STRADA: variants seen among roughly 807,000 people sequenced by gnomAD.
STRADA encodes STE20 related adaptor alpha.
In STRADA, 26 loss-of-function variants were observed where a neutral mutation model predicts 55.0. The ratio of observed to expected loss-of-function variants is 0.47; its 90% CI spans 0.35 to 0.66. STRADA has a LOEUF of 0.66. STRADA is among the 30% of genes least tolerant of loss of function. STRADA has a pLI of 0.01. For missense variants in STRADA, 443 were observed against 549.7 expected, an observed-to-expected ratio of 0.81 and a Z score of 1.94; for synonymous variants, 197 against 210.9, an observed-to-expected ratio of 0.93 and a Z score of 0.57.
intron 1 of STRADA, chr17:63,741,240 C>G (rs1171793237): frequency 6.6e-6 from 1 of 152,172 alleles, no homozygotes; most frequent in Non-Finnish European, 1.5e-5. Context: ...CCTGCAGGCA[C>G]CCAAAAAACA....
intron 4 of STRADA, among the ~76,000 whole-genome samples, chr17:63,716,285 T>C (rs1409218515): frequency 6.6e-6 from 1 of 151,886 alleles, no homozygotes; most frequent in Admixed American, 6.6e-5. Flanking sequence ...TTTGTAGAGA[T>C]GGGGTTTTGC....
intron 1 of STRADA, among the ~76,000 whole-genome samples, chr17:63,728,879 G>A (rs2037836337): frequency 7.4e-6 from 1 of 135,304 alleles, no homozygotes; most frequent in African/African-American, 3.0e-5. Flanking sequence ...GTGACAGAGT[G>A]AGACTGTCTC....
At chr17:63,705,248 A>G (rs2036006184) in intron 10 of STRADA, 1 of 384,144 alleles carries the variant, frequency 2.6e-6, no homozygotes, top group Non-Finnish European at 4.8e-6. Flanking sequence ...TTCGATTTAA[A>G]TGAGGTTTAA....
intron 1 of STRADA, among the ~76,000 whole-genome samples, chr17:63,730,619 C>T (rs777482101): frequency 4.6e-5 from 7 of 151,288 alleles, no homozygotes; most frequent in Non-Finnish European, 8.8e-5. Context: ...TGTGGTGGCG[C>T]GATCCTGGCT....
In STRADA at chr17:63,730,027, C is replaced by A. The variant is rs1163718829; in HGVS notation, c.-44-1614G>T. On this transcript the variant is annotated intron_variant, in intron 1 of 12. Coordinates refer to ENST00000336174, the MANE Select transcript of STRADA (RefSeq NM_001003787.4). ...TAATTTTTGTATTTAGTAGAGATGGCGTTTCACCATGTTGGCCAGGCTAGT... is the reference window on the plus strand; with the variant it reads ...TAATTTTTGTATTTAGTAGAGATGGAGTTTCACCATGTTGGCCAGGCTAGT... Among the ~76,000 whole-genome samples, 2 of 151,436 alleles carry A rather than the reference C, an allele frequency of 1.3e-5. 1 individual carries two copies. The highest frequency in any genetic ancestry group is 4.2e-4 in the South Asian group (2 of 4,782).
At chr17:63,723,488 G>A (rs1801678160) in intron 3 of STRADA, 162 bp from the exon 4 acceptor site, 7 of 684,404 alleles carry the variant, frequency 1.0e-5, no homozygotes, top group Non-Finnish European at 1.8e-5. Flanking sequence ...AACACACACA[G>A]ATCCACAGTA....
At chr17:63,707,487 A>G in intron 8 of STRADA, 69 bp from the exon 9 acceptor site, 2 of 1,502,900 alleles carry the variant, frequency 1.3e-6, no homozygotes, top group African/African-American at 1.4e-5. Context: ...TGGTCTTCAC[A>G]CACTCCACCT....
chr17:63,710,169 A>AG (rs1258184491), intron 8 of STRADA, among the ~76,000 whole-genome samples: 2 of 150,826 alleles, frequency 1.3e-5, no homozygotes, highest in Non-Finnish European at 2.9e-5. Flanking sequence ...AGTCCCAGCT[A>AG]CTGGGACTAC....
chr17:63,704,633 T>C, intron 10 of STRADA, 51 bp from the exon 11 acceptor site: 1 of 761,396 alleles, frequency 1.3e-6, no homozygotes, highest in South Asian at 2.2e-5. Context: ...GGGGGGGGGG[T>C]GGTCCCTGGA....
intron 1 of STRADA, among the ~76,000 whole-genome samples, chr17:63,738,290 G>A (rs1264996222): frequency 1.4e-5 from 2 of 144,928 alleles, no homozygotes; most frequent in Non-Finnish European, 3.0e-5. Flanking sequence ...GTAGTGAGCC[G>A]AGAGTACACC....
intron 8 of STRADA, among the ~76,000 whole-genome samples, chr17:63,709,251 C>T (rs895888751): frequency 2.6e-5 from 4 of 152,238 alleles, no homozygotes; most frequent in South Asian, 2.1e-4. Context: ...GGAGGCTCCC[C>T]GTCCTTGCCA....
intron 8 of STRADA, among the ~76,000 whole-genome samples, chr17:63,708,855 A>G (rs775166488): frequency 6.6e-6 from 1 of 152,140 alleles, no homozygotes; most frequent in Non-Finnish European, 1.5e-5. Context: ...CCTACCTCCT[A>G]CGAATGCTTT....
At chr17:63,721,457 G>A (rs112355080) in intron 4 of STRADA, among the ~76,000 whole-genome samples, 5,233 of 150,692 alleles carry the variant, frequency 0.035, 294 homozygotes, top group African/African-American at 0.12. Flanking sequence ...GGTGGCTCAC[G>A]CCTGTAATAC....
chr17:63,705,379 G>A (rs973055386), intron 10 of STRADA: 1 of 181,684 alleles, frequency 5.5e-6, no homozygotes, highest in Non-Finnish European at 1.2e-5. Context: ...AATTCTAGTG[G>A]ATGGTGCTGC....
At chr17:63,705,153 T>G (rs2035999349) in intron 10 of STRADA, 1 of 591,832 alleles carries the variant, frequency 1.7e-6, no homozygotes, top group Non-Finnish European at 3.0e-6. Flanking sequence ...GAAGTCCTCA[T>G]GACCGCATAA....
intron 1 of STRADA, among the ~76,000 whole-genome samples, chr17:63,737,593 T>G (rs1417965431): frequency 6.6e-6 from 1 of 152,214 alleles, no homozygotes; most frequent in African/African-American, 2.4e-5. Flanking sequence ...TACCCCTATC[T>G]TCCTAAGAAG....
At chr17:63,725,390 C>T (rs186254398) in intron 3 of STRADA, among the ~76,000 whole-genome samples, 2 of 152,022 alleles carry the variant, frequency 1.3e-5, no homozygotes, top group Admixed American at 6.5e-5. Context: ...CTTGCTCTGT[C>T]GCCCAGGCTG....
chr17:63,707,264 G>A lies in STRADA; in HGVS notation c.736C>T (p.Pro246Ser), dbSNP rs201773578. 23 of 1,614,162 alleles carry A rather than the reference G, an allele frequency of 1.4e-5. No homozygotes were observed. The African/African-American group carries it at 2.4e-4, about 17-fold the overall frequency. ...ACACAGACCTGCTGGAGGACCTCGG[G>A]GCTGAGCCACGGCAGAACCTTGACA... is the stretch of plus-strand genomic sequence containing the variant. ...YSVKVLPWLS[P>S]EVLQQNLQGY... Residue 246 changes from proline (P) to serine (S), a missense_variant, in exon 9 of 13, where the codon CCC (proline) becomes TCC (serine). By Grantham distance (74) the Pro-to-Ser change is moderately conservative. Coordinates refer to ENST00000336174, the MANE Select transcript of STRADA (RefSeq NM_001003787.4).
At chr17:63,705,500 A>G in intron 10 of STRADA, 1 of 158,376 alleles carries the variant, frequency 6.3e-6, no homozygotes, top group Non-Finnish European at 1.4e-5. Flanking sequence ...AGACTTCCAT[A>G]CCCACCTAAC....
Sources: allele counts gnomAD v4.1 joint callset (sites outside exome capture counted in the v4.1 genomes callset), GRCh38; gene constraint gnomAD v4.1.1; transcripts MANE v1.5; gene names NCBI Gene and HGNC (gene_info 2026-07-23, HGNC 2026-07-21).